The following ZNF726 variants were observed in gnomAD, a reference collection of about 807,000 sequenced individuals.
ZNF726 encodes the protein zinc finger protein 726, also known as zinc finger protein 92 pseudogene 3.
A neutral mutation model predicts 11.6 loss-of-function variants in ZNF726; 15 were observed. The ratio of observed to expected loss-of-function variants is 1.29; its 90% CI spans 0.86 to 1.99. The LOEUF (loss-of-function observed/expected upper bound fraction) is 1.99, where lower values mean the gene tolerates loss of function less well. ZNF726 is among the 30% of genes most tolerant of loss of function. The pLI, the probability that ZNF726 is intolerant of heterozygous loss-of-function variation, is 0.00. For missense variants in ZNF726, 890 were observed against 725.6 expected (o/e 1.23, Z -2.60); for synonymous variants, 295 against 243.6 (o/e 1.21, Z -1.96).
intron 3 of ZNF726, among the ~76,000 whole-genome samples, chr19:23,925,451 C>G (rs182417121): frequency 9.5e-4 from 145 of 152,164 alleles, no homozygotes; most frequent in African/African-American, 3.3e-3. Context: ...CTCTGCCTCC[C>G]AAAGTGCTGG....
intron 3 of ZNF726, 28 bp downstream of exon 3, chr19:23,920,110 C>A: frequency 6.7e-7 from 1 of 1,496,460 alleles, no homozygotes; most frequent in Non-Finnish European, 9.2e-7. Context: ...CAACAGATGA[C>A]CTGGATGAGA....
At chr19:23,943,463 C>A (rs749775769) in intron 3 of ZNF726, 8 of 565,242 alleles carry the variant, frequency 1.4e-5, no homozygotes, top group South Asian at 2.4e-5. Context: ...AGAATCCCAG[C>A]AAGTCATATT....
At chr19:23,930,562 T>G (rs921551850) in intron 3 of ZNF726, among the ~76,000 whole-genome samples, 7 of 152,174 alleles carry the variant, frequency 4.6e-5, no homozygotes, top group African/African-American at 1.7e-4. Context: ...TCTGATAGAA[T>G]TATCTGTATG....
downstream of ZNF726, among the ~76,000 whole-genome samples, chr19:23,939,133 C>A (rs1968296830): frequency 6.6e-6 from 1 of 151,320 alleles, no homozygotes; most frequent in Non-Finnish European, 1.5e-5. Flanking sequence ...CCACTCTTCC[C>A]CCCCAAGTCT....
downstream of ZNF726, chr19:23,935,315 A>G (rs746670805): frequency 1.9e-6 from 1 of 519,990 alleles, no homozygotes; most frequent in South Asian, 1.4e-5. Flanking sequence ...AATGTGGCAA[A>G]GTGTTTTTCT....
chr19:23,919,494 T>C lies in ZNF726; in HGVS notation c.125T>C (p.Phe42Ser). The C allele has an allele frequency of 6.3e-7, 1 of 1,596,562 alleles. No individual in the cohort carries two copies. ...VMLENYRNLAFLGIAVSKPDL... is the reference protein window; with the variant it reads ...VMLENYRNLASLGIAVSKPDL... The stretch of plus-strand genomic sequence containing the variant: ...TTAGAGAACTACAGAAACCTGGCCT[T>C]CCTGGGTGAGGATAACTTTAATACA... The change falls in exon 2 of 4, where the codon TTC becomes TCC. Residue 42 changes from phenylalanine (F) to serine (S), a missense_variant. Coordinates refer to ENST00000594466, the MANE Select transcript of ZNF726 (RefSeq NM_001244038.2).
At chr19:23,928,765 T>A (rs1271134188) in intron 3 of ZNF726, 5 of 152,184 alleles carry the variant, frequency 3.3e-5, no homozygotes, top group African/African-American at 1.2e-4. Flanking sequence ...TAAAGCATTT[T>A]ATTTTTTCTT....
chr19:23,943,783 T>A (rs1968375562), intron 4 of ZNF726: 1 of 398,662 alleles, frequency 2.5e-6, no homozygotes, highest in African/African-American at 2.0e-5. Context: ...GGACTCTACT[T>A]CCTATTTAGT....
downstream of ZNF726, among the ~76,000 whole-genome samples, chr19:23,939,458 G>A (rs1379003716): frequency 6.6e-6 from 1 of 152,134 alleles, no homozygotes; most frequent in African/African-American, 2.4e-5. Flanking sequence ...CAAATAATCA[G>A]TATTTGGGTT....
chr19:23,922,800 T>C (rs1233386861), intron 3 of ZNF726, among the ~76,000 whole-genome samples: 2 of 152,192 alleles, frequency 1.3e-5, no homozygotes, highest in African/African-American at 4.8e-5. Context: ...TCTTCAACTG[T>C]AATGTACCAT....
intron 3 of ZNF726, among the ~76,000 whole-genome samples, chr19:23,923,003 T>TTTAG (rs1440135521): frequency 2.0e-5 from 3 of 152,116 alleles, no homozygotes; most frequent in Non-Finnish European, 4.4e-5. Context: ...TGTCTGTAAT[T>TTTAG]TTAGATTCAG....
Position 23,933,700 on chromosome 19 carries a change from G to T in ZNF726, c.1584G>T (p.Lys528Asn). Reference protein sequence around the residue: ...FILSSTLSKHKRIHTGEKPYK... With the variant: ...FILSSTLSKHNRIHTGEKPYK... ...TGTCCTCGACCCTATCTAAACATAAGAGGATTCACACTGGAGAGAAACCCT... is the reference window on the plus strand; with the variant it reads ...TGTCCTCGACCCTATCTAAACATAATAGGATTCACACTGGAGAGAAACCCT... Residue 528 changes from lysine (K) to asparagine (N), a missense_variant, in exon 4 of 4, where the codon AAG becomes AAT. Coordinates refer to ENST00000594466, the MANE Select transcript of ZNF726 (RefSeq NM_001244038.2). 6.2e-7 allele frequency: 1 copy of T among 1,612,394 alleles called. No homozygotes were observed. The highest frequency in any genetic ancestry group is 8.5e-7 in the Non-Finnish European group (1 of 1,179,964).
chr19:23,918,458 G>T (rs549192262), intron 1 of ZNF726, among the ~76,000 whole-genome samples: 14 of 152,276 alleles, frequency 9.2e-5, no homozygotes, highest in African/African-American at 3.4e-4. Context: ...GTAGAACATG[G>T]AAGATATCTG....
chr19:23,936,202 TAA>T (rs1968228193), downstream of ZNF726: 1 of 152,232 alleles, frequency 6.6e-6, no homozygotes, highest in Non-Finnish European at 1.5e-5. Flanking sequence ...AATCCAAAAT[TAA>T]GTCTATGTAA....
At position 23,923,444 on chromosome 19, in the gene ZNF726, C is replaced by G. The variant is rs964639634; in HGVS notation, c.226+3362C>G. 3.0e-5 allele frequency: 11 copies of G among 370,862 alleles called. No homozygotes were observed. In the East Asian group the frequency reaches 1.1e-3, roughly 37 times the overall value. The allele number at this position is 370,862 out of a possible 1,614,324, so 23.0% of individuals were successfully genotyped here. A position where few individuals can be genotyped will look rare whatever the true frequency, so the allele number is the denominator to read the frequency against. On this transcript the variant is annotated intron_variant, in intron 3 of 3. Transcript: ENST00000594466. The stretch of plus-strand genomic sequence containing the variant: ...TTTTTTTTTTTGAGATGGAGTCTCG[C>G]TCTGTCACCCAGGCTGGAGTGCAGT...
downstream of ZNF726, chr19:23,935,413 C>T: frequency 3.8e-6 from 2 of 522,686 alleles, no homozygotes; most frequent in South Asian, 1.4e-5. Context: ...TTTAACCAGT[C>T]CTCACATCTT....
Position 23,934,383 on chromosome 19 carries a change from C to G in ZNF726, c.*416C>G, listed in dbSNP as rs1968192326. The G allele has an allele frequency of 2.0e-6, 1 of 510,602 alleles. No individual in the cohort carries two copies. The highest frequency in any genetic ancestry group is 2.2e-5 in the Admixed American group (1 of 44,860). The allele number at this position is 510,602 out of a possible 1,614,324, so 31.6% of individuals were successfully genotyped here. On this transcript the variant is annotated 3_prime_UTR_variant, in exon 4 of 4. Transcript: ENST00000594466. ...AAAGTAATTCATACTGAAGAGAAAC[C>G]CTACAAATGTGAAAAATGTGTCAAA...
intron 2 of ZNF726, 148 bp from the exon 3 acceptor site, chr19:23,919,839 T>C (rs528700673): frequency 2.0e-6 from 1 of 494,202 alleles, no homozygotes; most frequent in East Asian, 5.7e-5. Context: ...TAAAATATTC[T>C]GTAAATATTT....
In ZNF726 at chr19:23,933,276, A is replaced by G. The variant is rs779976623; in HGVS notation, c.1160A>G (p.His387Arg). ...ATATGGCCCTCAACCCTAACTAAAC[A>G]TAAGAGGATTCACACTGGAGAGAAA... The part of the protein sequence containing the change: ...AFIWPSTLTK[H>R]KRIHTGEKPY... Residue 387 changes from histidine to arginine, a missense_variant, in exon 4 of 4, where the codon CAT (histidine) becomes CGT (arginine). Transcript: ENST00000594466. The G allele has an allele frequency of 2.0e-5, 33 of 1,613,148 alleles. No homozygotes were observed. The highest frequency in any genetic ancestry group is 2.7e-5 in the Non-Finnish European group (32 of 1,179,976).
Sources: gnomAD v4.1 joint callset for allele counts (sites outside exome capture counted in the v4.1 genomes callset) on GRCh38, gnomAD v4.1.1 for gene constraint, MANE v1.5 for transcripts, NCBI Gene and HGNC (gene_info 2026-07-23, HGNC 2026-07-21) for gene names.